WDR4: variants seen among roughly 807,000 people sequenced by gnomAD.
The protein encoded by WDR4 is tRNA (guanine-N(7)-)-methyltransferase non-catalytic subunit WDR4.
In WDR4, 47 loss-of-function variants were observed where a neutral mutation model predicts 48.6. The ratio of observed to expected loss-of-function variants is 0.97; its 90% confidence interval spans 0.77 to 1.23. The LOEUF (loss-of-function observed/expected upper bound fraction) is 1.23. Among genes scored for constraint, WDR4 ranks in the 50% most tolerant of loss-of-function variants. The pLI is 0.00. For synonymous variants in WDR4, 268 were observed against 230.0 expected (o/e 1.17, Z -1.49); for missense variants, 606 against 551.6 (o/e 1.10, Z -0.99).
At chr21:42,846,633 A>G (rs2057713413), downstream of WDR4, among the ~76,000 whole-genome samples, 1 of 152,044 alleles carries the variant, frequency 6.6e-6, no homozygotes, top group South Asian at 2.1e-4. Context: ...GGACTGCTTG[A>G]GCCTGGGAGG....
chr21:42,872,588 G>C (rs1301043077), intron 3 of WDR4, among the ~76,000 whole-genome samples: 1 of 149,716 alleles, frequency 6.7e-6, no homozygotes, highest in Admixed American at 6.7e-5. Flanking sequence ...TCCAGCCTGG[G>C]TGACAGAATG....
In WDR4 at chr21:42,864,060, T is replaced by C. The variant is rs1300575758; in HGVS notation, c.297-464A>G. 3.0e-5 allele frequency among the ~76,000 whole-genome samples: 2 copies of C among 67,328 alleles called. 1 individual carries two copies. Among genetic ancestry groups the C allele is most frequent in the Non-Finnish European group, 5.0e-5 (2 of 40,172 alleles). The allele number at this position is 67,328 out of a possible 152,430, so 44.2% of individuals were successfully genotyped here. ...AGGCGGAGCTTGCAGTGAGCCGAGATCCCGCCACCGCACTCCAGCCTGGGG... is the reference window on the plus strand; with the variant it reads ...AGGCGGAGCTTGCAGTGAGCCGAGACCCCGCCACCGCACTCCAGCCTGGGG... On this transcript the variant is annotated intron_variant, in intron 3 of 10. Coordinates refer to ENST00000398208, the MANE Select transcript of WDR4 (RefSeq NM_018669.6).
chr21:42,845,269 G>GT (rs2145977205), downstream of WDR4, among the ~76,000 whole-genome samples: 1 of 152,344 alleles, frequency 6.6e-6, no homozygotes, highest in African/African-American at 2.4e-5. Flanking sequence ...AACCCTAAAT[G>GT]TTTGGAAATT....
the WDR4 span, among the ~76,000 whole-genome samples, chr21:42,888,409 A>C: frequency 1.4e-4 from 22 of 152,220 alleles, 1 homozygote; most frequent in South Asian, 2.1e-3. Flanking sequence ...AAATACAAAA[A>C]TTAGCCAGGT....
At chr21:42,879,141 C>A (rs1361834709) in intron 1 of WDR4, 9 of 1,253,046 alleles carry the variant, frequency 7.2e-6, no homozygotes, top group Non-Finnish European at 9.0e-6. Flanking sequence ...GCTAACCGGG[C>A]AAGAACACCG....
rs1291137217 is a variant in WDR4 at position 42,872,454 on chromosome 21, T to C, written c.296+1097A>G. Among the ~76,000 whole-genome samples the C allele has an allele frequency of 4.0e-5, 6 of 151,000 alleles. No homozygotes were observed. In the East Asian group the frequency reaches 9.9e-4, roughly 25 times the overall value. Reference sequence around the variant, plus strand: ...GTGAAACTCTGTCTCCAGCAAAAAATACAAAAATTAGTCAGGCATGGTGGT... The same window carrying C: ...GTGAAACTCTGTCTCCAGCAAAAAACACAAAAATTAGTCAGGCATGGTGGT... On this transcript the variant is annotated intron_variant, in intron 3 of 10. Transcript: ENST00000398208.
At chr21:42,875,143 T>C (rs2058462794) in intron 2 of WDR4, among the ~76,000 whole-genome samples, 1 of 152,166 alleles carries the variant, frequency 6.6e-6, no homozygotes, top group African/African-American at 2.4e-5. Flanking sequence ...TTGCCCAATA[T>C]CTGGCTGAAT....
intron 3 of WDR4, among the ~76,000 whole-genome samples, chr21:42,870,655 G>A (rs902790743): frequency 6.6e-6 from 1 of 152,128 alleles, no homozygotes; most frequent in Non-Finnish European, 1.5e-5. Flanking sequence ...CAGACGTGGT[G>A]GCACATGCTT....
intron 6 of WDR4, 83 bp downstream of exon 6, chr21:42,859,579 G>GGGCCAGCGATCCACAGA: frequency 7.2e-7 from 1 of 1,382,996 alleles, no homozygotes; most frequent in Non-Finnish European, 1.0e-6. Flanking sequence ...CGATCCACAG[G>GGGCCAGCGATCCACAGA]GGCCAGGTCC....
chr21:42,879,936 C>T (rs115454229), upstream of WDR4: 1,021 of 398,014 alleles, frequency 2.6e-3, 7 homozygotes, highest in African/African-American at 0.019. Flanking sequence ...TCGAGAGCAG[C>T]CTGACCAATA....
chr21:42,874,730 A>C (rs2058450626), intron 2 of WDR4, among the ~76,000 whole-genome samples: 2 of 151,996 alleles, frequency 1.3e-5, no homozygotes, highest in African/African-American at 2.4e-5. Flanking sequence ...CCGCCTAATA[A>C]ATTTTGGTCA....
chr21:42,855,723 G>A lies in WDR4; in HGVS notation c.685C>T (p.Leu229=). Residue 229 remains leucine, a synonymous_variant, in exon 7 of 11, where the codon CTG becomes TTG. Transcript: ENST00000398208. ...TCCACCAGCTCCTGCAGACTGGCCA[G>A]GTGACAGCAGTGCAGCTGGCGGCCG... ...RSGRQLHCCH[L]ASLQELVDPQ... 6.4e-7 allele frequency: 1 copy of A among 1,555,544 alleles called. No individual in the cohort carries two copies. The highest frequency in any genetic ancestry group is 8.7e-7 in the Non-Finnish European group (1 of 1,149,320).
At chr21:42,855,997 T>C (rs2057980829) in intron 6 of WDR4, among the ~76,000 whole-genome samples, 1 of 152,182 alleles carries the variant, frequency 6.6e-6, no homozygotes. Flanking sequence ...TCCCTGTTTC[T>C]CGAGTGCCAA....
chr21:42,850,342 C>T (rs2057792330), intron 10 of WDR4, 100 bp from the exon 11 acceptor site: 2 of 1,154,768 alleles, frequency 1.7e-6, no homozygotes, highest in Non-Finnish European at 1.2e-6. Context: ...TCGTGACTCC[C>T]AGAGTCCTCG....
Position 42,850,160 on chromosome 21 carries a change from C to T in WDR4, c.1128G>A (p.Glu376=). The change falls in exon 11 of 11, where the codon GAG becomes GAA. Residue 376 remains glutamate (E), a synonymous_variant. Coordinates refer to ENST00000398208, the MANE Select transcript of WDR4 (RefSeq NM_018669.6). ...TCTCTAGCTGCTGCTGCAGTCTCTCCTCTTTCTTCTTCAGGTAGGAGGTCA... is the reference window on the plus strand; with the variant it reads ...TCTCTAGCTGCTGCTGCAGTCTCTCTTCTTTCTTCTTCAGGTAGGAGGTCA... ...DNVTSYLKKK[E]ERLQQQLEKK... The T allele has an allele frequency of 6.2e-7, 1 of 1,614,136 alleles. No homozygotes were observed. The highest frequency in any genetic ancestry group is 8.5e-7 in the Non-Finnish European group (1 of 1,180,002).
chr21:42,874,467 T>G (rs563967498), intron 2 of WDR4, among the ~76,000 whole-genome samples: 2 of 152,166 alleles, frequency 1.3e-5, no homozygotes, highest in Non-Finnish European at 2.9e-5. Context: ...ACAAGAGAGA[T>G]AACCTTAAAC....
Position 42,859,729 on chromosome 21 carries a change from G to A in WDR4, c.567-7C>T, listed in dbSNP as rs761357040. Reference sequence around the variant, plus strand: ...GGAGATACGGCTCACAAACCTGTGAGGGCGAGAGAGAGCGGCAGAGTCAGC... The same window carrying A: ...GGAGATACGGCTCACAAACCTGTGAAGGCGAGAGAGAGCGGCAGAGTCAGC... On this transcript the variant is annotated splice_region_variant and splice_polypyrimidine_tract_variant and intron_variant, in intron 5 of 10. Transcript: ENST00000398208. 4 of 1,556,972 alleles carry A rather than the reference G, an allele frequency of 2.6e-6. No individual in the cohort carries two copies. In the South Asian group the frequency reaches 3.6e-5, roughly 14 times the overall value.
rs1160978798 is a variant in WDR4, at chr21:42,862,077, C to T, written c.566+205G>A. 6.6e-6 allele frequency among the ~76,000 whole-genome samples: 1 copy of T among 152,214 alleles called. No homozygotes were observed. The highest frequency in any genetic ancestry group is 2.1e-4 in the South Asian group (1 of 4,836). On this transcript the variant is annotated intron_variant, in intron 5 of 10. Coordinates refer to ENST00000398208, the MANE Select transcript of WDR4 (RefSeq NM_018669.6). The surrounding 1 kb of genome is among the most constrained non-coding windows in gnomAD (Gnocchi z 4.3). ...CAATGCCAAGTTACTGGCACAGACTCCGGGTAACAGCGCAGAGTGAACCCC... is the reference window on the plus strand; with the variant it reads ...CAATGCCAAGTTACTGGCACAGACTTCGGGTAACAGCGCAGAGTGAACCCC...
chr21:42,874,142 G>A (rs903259852), intron 2 of WDR4, among the ~76,000 whole-genome samples: 12 of 152,224 alleles, frequency 7.9e-5, no homozygotes, highest in African/African-American at 1.7e-4. Flanking sequence ...AATGTGGATT[G>A]TGAAGATTTC....
Sources: allele counts gnomAD v4.1 joint callset (sites outside exome capture counted in the v4.1 genomes callset), GRCh38; gene constraint gnomAD v4.1.1; non-coding constraint Gnocchi (gnomAD v3.1); transcripts MANE v1.5; gene names NCBI Gene and HGNC (gene_info 2026-07-23, HGNC 2026-07-21).